Variants in CEP78 observed in about 807,000 individuals in gnomAD.
CEP78 encodes the protein centrosomal protein 78, also known as centrosomal protein of 78 kDa.
Under a neutral mutation model 81.2 loss-of-function variants are expected in CEP78, and 76 were observed. The ratio of observed to expected loss-of-function variants is 0.94; its 90% confidence interval spans 0.78 to 1.13. CEP78 has a LOEUF of 1.13. Ranked by LOEUF, CEP78 falls within the 50% of genes most tolerant of loss-of-function variation. The probability of loss-of-function intolerance (pLI) is 0.00; values close to 1 mark genes in which losing one functional copy is unlikely to be tolerated. For synonymous variants in CEP78, 293 were observed against 301.4 expected (o/e 0.97, Z 0.29); for missense variants, 918 against 846.8 (o/e 1.08, Z -1.04).
chr9:78,255,389 C>T (rs1218935210), intron 11 of CEP78, among the ~76,000 whole-genome samples: 1 of 152,140 alleles, frequency 6.6e-6, no homozygotes. Flanking sequence ...ATGAAACTTA[C>T]AAATATAGAA....
chr9:78,256,331 C>T (rs1394151313), intron 11 of CEP78, among the ~76,000 whole-genome samples: 2 of 152,250 alleles, frequency 1.3e-5, no homozygotes, highest in Middle Eastern at 3.4e-3. Context: ...GACTCCTAGC[C>T]TTACCTTCAC....
chr9:78,261,098 G>A lies in CEP78; in HGVS notation c.1381-1809G>A, dbSNP rs537554548. Reference sequence around the variant, plus strand: ...CCCGAGTAGCTGGGATTACAGGTGCGCACCACCACACCCAGCTAATTTTTA... The same window carrying A: ...CCCGAGTAGCTGGGATTACAGGTGCACACCACCACACCCAGCTAATTTTTA... On this transcript the variant is annotated intron_variant, in intron 11 of 16. Coordinates refer to ENST00000643273, the MANE Select transcript of CEP78 (RefSeq NM_001330691.3). Among the ~76,000 whole-genome samples, 43 of 151,568 alleles carry A rather than the reference G, an allele frequency of 2.8e-4. 1 individual carries two copies. In the South Asian group the frequency reaches 4.0e-3, roughly 14 times the overall value.
chr9:78,274,734 T>A lies in CEP78; in HGVS notation c.*3883T>A, dbSNP rs562421906. Reference sequence around the variant, plus strand: ...AAAGGCCTGTCCACTTGGAAATTTTTAAATGATCTTCTAAATAACTCATTT... The same window carrying A: ...AAAGGCCTGTCCACTTGGAAATTTTAAAATGATCTTCTAAATAACTCATTT... On this transcript the variant is annotated 3_prime_UTR_variant, in exon 17 of 17. Transcript: ENST00000643273. 5 of 152,328 alleles carry A rather than the reference T, an allele frequency of 3.3e-5. No homozygotes were observed. The highest frequency in any genetic ancestry group is 1.2e-4 in the African/African-American group (5 of 41,584). 9.4% of individuals were successfully genotyped at this position (152,328 alleles called of 1,614,324 possible). A position where few individuals can be genotyped will look rare whatever the true frequency, so the allele number is the denominator to read the frequency against.
chr9:78,236,468 G>C lies in CEP78; in HGVS notation c.118G>C (p.Glu40Gln). ...PLPAVRACLREGVLDFNADRL... is the reference protein window; with the variant it reads ...PLPAVRACLRQGVLDFNADRL... ...GCCCGCCGTGCGCGCCTGTCTCCGG[G>C]AGGGCGTGCTGGATTTCAACGCCGA... Residue 40 changes from glutamate to glutamine, a missense_variant, in exon 1 of 17, where the codon GAG becomes CAG. Coordinates refer to ENST00000643273, the MANE Select transcript of CEP78 (RefSeq NM_001330691.3). 1 of 1,606,774 alleles carries C rather than the reference G, an allele frequency of 6.2e-7. No homozygotes were observed. The highest frequency in any genetic ancestry group is 8.5e-7 in the Non-Finnish European group (1 of 1,176,822).
At chr9:78,264,030 G>C in intron 12 of CEP78, 120 bp from the exon 13 acceptor site, 1 of 662,872 alleles carries the variant, frequency 1.5e-6, no homozygotes, top group Admixed American at 3.7e-5. Flanking sequence ...TTTACTGGTA[G>C]AGAGTTAGAT....
In CEP78 at chr9:78,270,888, G is replaced by A. The variant is rs1233502375; in HGVS notation, c.*37G>A. 1.5e-6 allele frequency: 1 copy of A among 671,524 alleles called. No homozygotes were observed. Among genetic ancestry groups the A allele is most frequent in the Non-Finnish European group, 2.7e-6 (1 of 373,604 alleles). 41.6% of individuals were successfully genotyped at this position (671,524 alleles called of 1,614,324 possible). ...AAATATTAAAATAAAAATAATAGCAGAGTTGGAAAACCAGAAATTTGAACA... is the reference window on the plus strand; with the variant it reads ...AAATATTAAAATAAAAATAATAGCAAAGTTGGAAAACCAGAAATTTGAACA... On this transcript the variant is annotated 3_prime_UTR_variant, in exon 17 of 17. Transcript: ENST00000643273.
At chr9:78,263,500 A>G (rs773637562) in intron 12 of CEP78, among the ~76,000 whole-genome samples, 11 of 152,176 alleles carry the variant, frequency 7.2e-5, no homozygotes, top group Non-Finnish European at 1.5e-4. Flanking sequence ...TTACAAAGCA[A>G]GTTTAAGGAG....
chr9:78,263,549 T>G (rs1827374152), intron 12 of CEP78, among the ~76,000 whole-genome samples: 1 of 152,172 alleles, frequency 6.6e-6, no homozygotes, highest in Non-Finnish European at 1.5e-5. Context: ...GAAAGACAGT[T>G]AATCATTCAA....
intron 11 of CEP78, among the ~76,000 whole-genome samples, chr9:78,256,765 C>T (rs188898061): frequency 1.6e-4 from 24 of 151,876 alleles, no homozygotes; most frequent in African/African-American, 5.3e-4. Flanking sequence ...CCTGATAGGA[C>T]CAGAGCTGAT....
At chr9:78,247,925 G>A (rs1826572792) in intron 6 of CEP78, among the ~76,000 whole-genome samples, 1 of 152,164 alleles carries the variant, frequency 6.6e-6, no homozygotes, top group African/African-American at 2.4e-5. Flanking sequence ...GCAGCTTTGG[G>A]GGCGCATCAT....
intron 15 of CEP78, among the ~76,000 whole-genome samples, chr9:78,266,227 A>G (rs1160944159): frequency 6.6e-6 from 1 of 152,174 alleles, no homozygotes. Context: ...GACATAAATT[A>G]GTAATAATTA....
At chr9:78,259,370 T>TG (rs1321890997) in intron 11 of CEP78, among the ~76,000 whole-genome samples, 1 of 152,094 alleles carries the variant, frequency 6.6e-6, no homozygotes. Flanking sequence ...GTAGAAGATA[T>TG]GGGGGATTTC....
chr9:78,265,777 C>A, intron 14 of CEP78, 82 bp from the exon 15 acceptor site: 1 of 804,582 alleles, frequency 1.2e-6, no homozygotes, highest in Non-Finnish European at 2.1e-6. Flanking sequence ...GTAGACTATC[C>A]TCAGTGAAGA....
intron 8 of CEP78, chr9:78,249,754 A>T (rs1039812582): frequency 6.6e-6 from 1 of 152,140 alleles, no homozygotes; most frequent in Non-Finnish European, 1.5e-5. Flanking sequence ...AAGTTAAGCC[A>T]AATCTAATGT....
At chr9:78,269,413 A>C (rs1482914107) in intron 16 of CEP78, among the ~76,000 whole-genome samples, 2 of 152,240 alleles carry the variant, frequency 1.3e-5, no homozygotes, top group Non-Finnish European at 2.9e-5. Flanking sequence ...TTGGATGTAC[A>C]TATGAAGACA....
intron 11 of CEP78, among the ~76,000 whole-genome samples, chr9:78,255,517 G>A (rs1217373318): frequency 1.3e-5 from 2 of 152,146 alleles, no homozygotes; most frequent in Non-Finnish European, 2.9e-5. Flanking sequence ...GGTGTCTGGC[G>A]AGGGCCTGCT....
At chr9:78,250,631 C>T (rs964316552) in intron 8 of CEP78, among the ~76,000 whole-genome samples, 1 of 151,892 alleles carries the variant, frequency 6.6e-6, no homozygotes, top group Non-Finnish European at 1.5e-5. Flanking sequence ...CCAAGCTCCT[C>T]GAAAGGCTAA....
In CEP78 at chr9:78,239,170, T is replaced by C. The variant is rs149763800; in HGVS notation, c.254-853T>C. Among the ~76,000 whole-genome samples the C allele has an allele frequency of 3.9e-3, 594 of 152,192 alleles. 4 individuals carry two copies. The highest frequency in any genetic ancestry group is 0.014 in the African/African-American group (565 of 41,528). On this transcript the variant is annotated intron_variant, in intron 1 of 16. Coordinates refer to ENST00000643273, the MANE Select transcript of CEP78 (RefSeq NM_001330691.3). ...CACTGAACCTTCTTTATCTCTTGCA[T>C]CTAGTGGGTCTAGGTTGTAGATTTT...
rs1826844230 is a variant in CEP78, at chr9:78,253,162, G to T, written c.1206-70G>T. 44 of 739,522 alleles carry T rather than the reference G, an allele frequency of 5.9e-5. 1 individual carries two copies. The South Asian group carries it at 6.1e-4, about 10-fold the overall frequency. 45.8% of individuals were successfully genotyped at this position (739,522 alleles called of 1,614,324 possible). A position where few individuals can be genotyped will look rare whatever the true frequency, so the allele number is the denominator to read the frequency against. ...GATAGTATACATAATACTAGCAAGT[G>T]TTATTACCTAGTGTTAACTGGTGGT... On this transcript the variant is annotated intron_variant, in intron 9 of 16. Coordinates refer to ENST00000643273, the MANE Select transcript of CEP78 (RefSeq NM_001330691.3).
Sources: allele counts gnomAD v4.1 joint callset (sites outside exome capture counted in the v4.1 genomes callset), GRCh38; gene constraint gnomAD v4.1.1; transcripts MANE v1.5; gene names NCBI Gene and HGNC (gene_info 2026-07-23, HGNC 2026-07-21).